Variants in TSHZ1 observed in about 807,000 individuals in gnomAD.
TSHZ1 encodes the protein teashirt homolog 1.
Under a neutral mutation model 67.1 loss-of-function variants are expected in TSHZ1, and 12 were observed. The ratio of observed to expected loss-of-function variants is 0.18; its 90% CI spans 0.11 to 0.29. The LOEUF (loss-of-function observed/expected upper bound fraction) is 0.29, where lower values mean the gene tolerates loss of function less well. Among genes scored for constraint, TSHZ1 ranks in the 10% least tolerant of loss-of-function variants. The pLI, the probability that TSHZ1 is intolerant of heterozygous loss-of-function variation, is 1.00. For synonymous variants in TSHZ1, 632 were observed against 622.4 expected (o/e 1.02, Z -0.23); for missense variants, 1,305 against 1,413.9 (o/e 0.92, Z 1.23).
intron 1 of TSHZ1, among the ~76,000 whole-genome samples, chr18:75,247,873 T>TTG (rs2023244013): frequency 6.6e-6 from 1 of 151,932 alleles, no homozygotes; most frequent in South Asian, 2.1e-4. Context: ...CTTTTTTTTT[T>TTG]TTTTTACTTC....
intron 1 of TSHZ1, among the ~76,000 whole-genome samples, chr18:75,274,752 A>G (rs1387616062): frequency 2.0e-5 from 3 of 152,194 alleles, no homozygotes; most frequent in Non-Finnish European, 2.9e-5. Flanking sequence ...TAAAAACGGC[A>G]TCTTGTAAAG....
At chr18:75,285,374 A>C in intron 1 of TSHZ1, 74 bp from the exon 2 acceptor site, 1 of 1,406,932 alleles carries the variant, frequency 7.1e-7, no homozygotes, top group Non-Finnish European at 9.2e-7. Context: ...TTTAAAGATC[A>C]TCTAACTGCT....
At chr18:75,242,513 G>A (rs1246349679) in intron 1 of TSHZ1, among the ~76,000 whole-genome samples, 1 of 152,202 alleles carries the variant, frequency 6.6e-6, no homozygotes, top group Non-Finnish European at 1.5e-5. Context: ...TAAATAGGTG[G>A]ACCATTTGTC....
intron 1 of TSHZ1, among the ~76,000 whole-genome samples, chr18:75,228,900 C>T (rs952058053): frequency 2.3e-4 from 35 of 152,268 alleles, no homozygotes; most frequent in African/African-American, 1.2e-4. Context: ...TTATTTCTAA[C>T]GAGATGCTTC....
chr18:75,270,288 C>T (rs2023541902), intron 1 of TSHZ1, among the ~76,000 whole-genome samples: 1 of 152,146 alleles, frequency 6.6e-6, no homozygotes, highest in Admixed American at 6.5e-5. Flanking sequence ...AATAGGATTT[C>T]CCCTTGTAGT....
At position 75,288,901 on chromosome 18, in the gene TSHZ1, TG is replaced by T. The variant is rs2023824414; in HGVS notation, c.*264del. 2.6e-6 allele frequency: 1 copy of T among 381,406 alleles called. No individual in the cohort carries two copies. Among genetic ancestry groups the T allele is most frequent in the Admixed American group, 4.4e-5 (1 of 22,948 alleles). 23.6% of individuals were successfully genotyped at this position (381,406 alleles called of 1,614,324 possible). On this transcript the variant is annotated 3_prime_UTR_variant, in exon 2 of 2. Transcript: ENST00000580243. This position sits in a 1 kb window ranked among gnomAD's most constrained non-coding sequence, Gnocchi z 4.9. ...TTAAGCTATCTTTTGTAGGAAATAG[TG>T]GGGCACACTACTCAGAGACATTATT... is the stretch of plus-strand genomic sequence containing the variant.
chr18:75,285,754 T>C lies in TSHZ1; in HGVS notation c.347T>C (p.Ile116Thr). ...VSYPQDSLAQ[I>T]KAVYANLFSE... Reference sequence around the variant, plus strand: ...TACCCCCAGGACAGCCTGGCACAGATCAAAGCTGTGTATGCAAACTTGTTC... The same window carrying C: ...TACCCCCAGGACAGCCTGGCACAGACCAAAGCTGTGTATGCAAACTTGTTC... The change falls in exon 2 of 2, where the codon ATC becomes ACC. Residue 116 changes from isoleucine (I) to threonine (T), a missense_variant. By Grantham distance (89) the Ile-to-Thr change is moderately conservative. Around this residue, in one of 3 missense-constraint regions of TSHZ1, gnomAD observed 358 missense variants for 375.6 expected, o/e 0.95. Coordinates refer to ENST00000580243, the MANE Select transcript of TSHZ1 (RefSeq NM_001308210.2). The C allele has an allele frequency of 6.2e-7, 1 of 1,614,054 alleles. No homozygotes were observed. Among genetic ancestry groups the C allele is most frequent in the Non-Finnish European group, 8.5e-7 (1 of 1,180,008 alleles).
chr18:75,214,149 CCTCA>C (rs1003521264), intron 1 of TSHZ1, among the ~76,000 whole-genome samples: 2 of 152,188 alleles, frequency 1.3e-5, no homozygotes, highest in Non-Finnish European at 2.9e-5. Flanking sequence ...GCTCTTCCCC[CCTCA>C]CTCATAAAAA....
chr18:75,274,077 T>A (rs1212278733), intron 1 of TSHZ1, among the ~76,000 whole-genome samples: 1 of 152,152 alleles, frequency 6.6e-6, no homozygotes, highest in African/African-American at 2.4e-5. Context: ...TGTAGGGTGC[T>A]GTGCGTGTCC....
At chr18:75,267,368 G>C (rs764398661) in intron 1 of TSHZ1, among the ~76,000 whole-genome samples, 1 of 152,260 alleles carries the variant, frequency 6.6e-6, no homozygotes, top group Non-Finnish European at 1.5e-5. Flanking sequence ...GCCACACTGT[G>C]TGTGGGCTTA....
In TSHZ1 at chr18:75,220,052, G is replaced by A. The variant is rs374861701; in HGVS notation, c.40+8136G>A. Among the ~76,000 whole-genome samples, 13 of 152,172 alleles carry A rather than the reference G, an allele frequency of 8.5e-5. No homozygotes were observed. The East Asian group carries it at 9.6e-4, about 11-fold the overall frequency. ...CCTCACACATTTTCCCCAGAACACC[G>A]CATAAAGAGGAGTTTTGTTACATTT... is the stretch of plus-strand genomic sequence containing the variant. On this transcript the variant is annotated intron_variant, in intron 1 of 1. Transcript: ENST00000580243.
intron 1 of TSHZ1, among the ~76,000 whole-genome samples, chr18:75,214,972 T>G (rs1292049480): frequency 6.6e-6 from 1 of 152,160 alleles, no homozygotes; most frequent in Non-Finnish European, 1.5e-5. Flanking sequence ...TAACTCAATT[T>G]GCTGGTGCAG....
At position 75,287,376 on chromosome 18, in the gene TSHZ1, A is replaced by G. The variant is rs1387134970; in HGVS notation, c.1969A>G (p.Arg657Gly). 1 of 1,613,920 alleles carries G rather than the reference A, an allele frequency of 6.2e-7. No individual in the cohort carries two copies. Among genetic ancestry groups the G allele is most frequent in the African/African-American group, 1.3e-5 (1 of 74,920 alleles). Residue 657 changes from arginine (R) to glycine (G), a missense_variant, in exon 2 of 2, where the codon AGA becomes GGA. Around this residue, in one of 3 missense-constraint regions of TSHZ1, gnomAD observed 909 missense variants for 961.8 expected, o/e 0.95. Transcript: ENST00000580243. This position sits in a 1 kb window ranked among gnomAD's most constrained non-coding sequence, Gnocchi z 5.0. ...TGKVNIKKEE[R>G]PPEKEKSSLA... The stretch of plus-strand genomic sequence containing the variant: ...CAAGGTCAACATCAAGAAGGAGGAG[A>G]GACCCCCTGAGAAGGAGAAGAGCTC...
At chr18:75,259,188 A>T (rs965762377) in intron 1 of TSHZ1, among the ~76,000 whole-genome samples, 5 of 152,174 alleles carry the variant, frequency 3.3e-5, no homozygotes, top group Admixed American at 6.5e-5. Context: ...GCACTTAAAA[A>T]TAAGTCGCGA....
intron 1 of TSHZ1, among the ~76,000 whole-genome samples, chr18:75,240,524 C>T (rs140117963): frequency 0.014 from 2,073 of 152,232 alleles, 19 homozygotes; most frequent in South Asian, 0.022. Context: ...CCAGGTGCAC[C>T]GCGAGCCTTT....
At chr18:75,221,611 A>C (rs533553161) in intron 1 of TSHZ1, among the ~76,000 whole-genome samples, 6 of 152,332 alleles carry the variant, frequency 3.9e-5, no homozygotes, top group African/African-American at 1.2e-4. Flanking sequence ...GATTTAAAGC[A>C]CAAGTATTGT....
At chr18:75,264,726 G>C (rs1199319457) in intron 1 of TSHZ1, among the ~76,000 whole-genome samples, 1 of 150,540 alleles carries the variant, frequency 6.6e-6, no homozygotes, top group East Asian at 2.0e-4. Flanking sequence ...ATGGAAGCGA[G>C]TCAGGATAAG....
At chr18:75,283,589 C>G (rs1323650685) in intron 1 of TSHZ1, 1 of 152,216 alleles carries the variant, frequency 6.6e-6, no homozygotes, top group Non-Finnish European at 1.5e-5. Flanking sequence ...CACATACCTC[C>G]ATGAAATGCG....
At chr18:75,268,705 A>G (rs1046421348) in intron 1 of TSHZ1, among the ~76,000 whole-genome samples, 16 of 152,278 alleles carry the variant, frequency 1.1e-4, no homozygotes, top group African/African-American at 3.9e-4. Flanking sequence ...TGCGAGTTAC[A>G]GTGAGACTGC....
Sources: allele counts gnomAD v4.1 joint callset (sites outside exome capture counted in the v4.1 genomes callset), GRCh38; gene constraint gnomAD v4.1.1; regional missense constraint gnomAD v4.1.1; non-coding constraint Gnocchi (gnomAD v3.1); transcripts MANE v1.5; gene names NCBI Gene and HGNC (gene_info 2026-07-23, HGNC 2026-07-21).